EXOC6B: variants seen among roughly 807,000 people sequenced by gnomAD.
The protein encoded by EXOC6B is SEC15 homolog B.
A neutral mutation model predicts 113.5 loss-of-function variants in EXOC6B; 54 were observed. The ratio of observed to expected loss-of-function variants is 0.48; its 90% CI spans 0.38 to 0.60. The LOEUF is 0.60. Among genes scored for constraint, EXOC6B ranks in the 20% least tolerant of loss-of-function variants. The pLI, the probability that EXOC6B is intolerant of heterozygous loss-of-function variation, is 0.00. For synonymous variants in EXOC6B, 357 were observed against 339.0 expected (o/e 1.05, Z -0.58); for missense variants, 797 against 977.5 (o/e 0.82, Z 2.46).
intron 21 of EXOC6B, among the ~76,000 whole-genome samples, chr2:72,183,301 T>C (rs1461548158): frequency 6.6e-6 from 1 of 152,202 alleles, no homozygotes; most frequent in African/African-American, 2.4e-5. Context: ...CCTTTTTATA[T>C]GGGTCTTGGT....
At chr2:72,445,473 T>C (rs1696515734) in intron 18 of EXOC6B, among the ~76,000 whole-genome samples, 1 of 152,160 alleles carries the variant, frequency 6.6e-6, no homozygotes, top group Non-Finnish European at 1.5e-5. Context: ...TATTGGTCTT[T>C]TTTCACACTC....
intron 20 of EXOC6B, among the ~76,000 whole-genome samples, chr2:72,308,457 T>G (rs1378067869): frequency 6.6e-6 from 1 of 152,228 alleles, no homozygotes; most frequent in Non-Finnish European, 1.5e-5. Flanking sequence ...AGGAATACGT[T>G]AAGCTAAAGT....
intron 8 of EXOC6B, among the ~76,000 whole-genome samples, chr2:72,556,035 A>G (rs1573385578): frequency 2.0e-5 from 3 of 152,358 alleles, no homozygotes; most frequent in East Asian, 1.9e-4. Context: ...CTTTCCCAGT[A>G]CAATCCTGAA....
intron 13 of EXOC6B, among the ~76,000 whole-genome samples, chr2:72,498,078 C>A (rs1033723024): frequency 1.3e-5 from 2 of 152,136 alleles, no homozygotes; most frequent in Admixed American, 1.3e-4. Flanking sequence ...TCAAATGTTA[C>A]TCACTATAAT....
chr2:72,331,168 T>C (rs1028655082), intron 20 of EXOC6B, among the ~76,000 whole-genome samples: 12 of 152,148 alleles, frequency 7.9e-5, no homozygotes, highest in Non-Finnish European at 1.6e-4. Context: ...CTTATCACAG[T>C]GTGCCTTATA....
At chr2:72,213,063 A>G (rs2104392206) in intron 20 of EXOC6B, among the ~76,000 whole-genome samples, 1 of 152,322 alleles carries the variant, frequency 6.6e-6, no homozygotes, top group South Asian at 2.1e-4. Flanking sequence ...AACAGATACT[A>G]CTAGCTTCTG....
chr2:72,617,517 C>CCTTTTT (rs1308850857), intron 6 of EXOC6B, among the ~76,000 whole-genome samples: 1 of 96,954 alleles, frequency 1.0e-5, no homozygotes, highest in Non-Finnish European at 2.0e-5. Flanking sequence ...AATCTTTTTT[C>CCTTTTT]TTTTTTTTTT....
At chr2:72,255,973 A>C (rs1402632333) in intron 20 of EXOC6B, among the ~76,000 whole-genome samples, 1 of 152,228 alleles carries the variant, frequency 6.6e-6, no homozygotes, top group Non-Finnish European at 1.5e-5. Flanking sequence ...ATGCGAGCTT[A>C]TTTGGAAACA....
intron 8 of EXOC6B, among the ~76,000 whole-genome samples, chr2:72,528,047 T>C (rs1042036294): frequency 2.0e-5 from 3 of 152,034 alleles, no homozygotes; most frequent in African/African-American, 7.2e-5. Flanking sequence ...TTAATTTTGA[T>C]GAGGTTCAGC....
At chr2:72,410,468 A>C (rs911263999) in intron 18 of EXOC6B, among the ~76,000 whole-genome samples, 2 of 152,220 alleles carry the variant, frequency 1.3e-5, no homozygotes, top group African/African-American at 4.8e-5. Context: ...GTATCAAGTA[A>C]GCAACATTGC....
chr2:72,567,945 C>G (rs1169799598), intron 7 of EXOC6B, among the ~76,000 whole-genome samples: 5 of 151,854 alleles, frequency 3.3e-5, no homozygotes, highest in Admixed American at 6.6e-5. Flanking sequence ...CATATGATTC[C>G]AGAAAGTGGC....
chr2:72,442,988 T>C (rs1270962114), intron 18 of EXOC6B, among the ~76,000 whole-genome samples: 1 of 152,036 alleles, frequency 6.6e-6, no homozygotes, highest in Admixed American at 6.6e-5. Context: ...CTTCAAACTA[T>C]ACTACACGGC....
chr2:72,424,259 A>G (rs930965420), intron 18 of EXOC6B, among the ~76,000 whole-genome samples: 1 of 152,000 alleles, frequency 6.6e-6, no homozygotes, highest in African/African-American at 2.4e-5. Context: ...GCTCCTTGAC[A>G]GTTTTATTCT....
At chr2:72,201,975 G>C (rs919160794) in intron 20 of EXOC6B, among the ~76,000 whole-genome samples, 5 of 152,154 alleles carry the variant, frequency 3.3e-5, no homozygotes, top group African/African-American at 1.2e-4. Flanking sequence ...TTGTGGGAAA[G>C]CTTGGTATCA....
chr2:72,281,297 A>G (rs1685113278), intron 20 of EXOC6B, among the ~76,000 whole-genome samples: 1 of 152,162 alleles, frequency 6.6e-6, no homozygotes, highest in Non-Finnish European at 1.5e-5. Context: ...GGCCACTACA[A>G]TTTTTCATGT....
rs569789417 is a variant in EXOC6B at position 72,176,300 on chromosome 2, A to G, written c.*3035T>C. On this transcript the variant is annotated 3_prime_UTR_variant, in exon 22 of 22. Coordinates refer to ENST00000272427, the MANE Select transcript of EXOC6B (RefSeq NM_015189.3). ...AAAAGGAAGAAGAAGAAGAAGAAGA[A>G]GAGGCAATTGCAGTCAAGAGAGGAG... The G allele has an allele frequency of 3.4e-5, 5 of 149,000 alleles. No individual in the cohort carries two copies. The highest frequency in any genetic ancestry group is 1.2e-4 in the African/African-American group (5 of 40,612). 9.2% of individuals were successfully genotyped at this position (149,000 alleles called of 1,614,324 possible). A position where few individuals can be genotyped will look rare whatever the true frequency, so the allele number is the denominator to read the frequency against.
rs371429492 is a variant in EXOC6B at position 72,675,939 on chromosome 2, T to G, written c.669+42164A>C. Reference sequence around the variant, plus strand: ...TACTAATACCTCCCTGGCACTTGAATCAAGCTATAGCTCCCTCTGTAGTAG... The same window carrying G: ...TACTAATACCTCCCTGGCACTTGAAGCAAGCTATAGCTCCCTCTGTAGTAG... On this transcript the variant is annotated intron_variant, in intron 6 of 21. Transcript: ENST00000272427. Among the ~76,000 whole-genome samples the G allele has an allele frequency of 1.3e-3, 200 of 152,240 alleles. 3 individuals carry two copies. Among genetic ancestry groups the G allele is most frequent in the Middle Eastern group, 6.8e-3 (2 of 294 alleles).
chr2:72,484,600 C>T (rs2105507035), intron 16 of EXOC6B, among the ~76,000 whole-genome samples: 1 of 151,120 alleles, frequency 6.6e-6, no homozygotes, highest in South Asian at 2.1e-4. Flanking sequence ...TCCCTCCCCT[C>T]ATCCCCAACC....
At chr2:72,559,594 C>T (rs1703768383) in intron 7 of EXOC6B, 73 bp from the exon 8 acceptor site, 2 of 1,238,394 alleles carry the variant, frequency 1.6e-6, no homozygotes, top group South Asian at 2.7e-5. Context: ...TGTTACTACT[C>T]AAGTGTTTGG....
Sources: allele counts gnomAD v4.1 joint callset (sites outside exome capture counted in the v4.1 genomes callset), GRCh38; gene constraint gnomAD v4.1.1; transcripts MANE v1.5; gene names NCBI Gene and HGNC (gene_info 2026-07-23, HGNC 2026-07-21).